The following HS6ST3 variants were observed in gnomAD, a reference collection of about 807,000 sequenced individuals.
HS6ST3 encodes the protein heparan-sulfate 6-O-sulfotransferase 3.
Under a neutral mutation model 36.7 loss-of-function variants are expected in HS6ST3, and 12 were observed. The ratio of observed to expected loss-of-function variants is 0.33; its 90% CI spans 0.21 to 0.53. HS6ST3 has a LOEUF of 0.53. Ranked by LOEUF, HS6ST3 falls within the 20% of genes least tolerant of loss-of-function variation. The probability of loss-of-function intolerance (pLI) is 0.95; values close to 1 mark genes in which losing one functional copy is unlikely to be tolerated. For synonymous variants in HS6ST3, 240 were observed against 257.5 expected (o/e 0.93, Z 0.65); for missense variants, 584 against 640.9 (o/e 0.91, Z 0.96).
At chr13:96,248,062 C>G (rs1243359081) in intron 1 of HS6ST3, among the ~76,000 whole-genome samples, 2 of 152,100 alleles carry the variant, frequency 1.3e-5, no homozygotes, top group African/African-American at 2.4e-5. Context: ...TACTTATAGT[C>G]TGTTTTCCTT....
At chr13:96,679,444 T>C (rs182741579) in intron 1 of HS6ST3, among the ~76,000 whole-genome samples, 23 of 152,148 alleles carry the variant, frequency 1.5e-4, no homozygotes, top group African/African-American at 5.1e-4. Flanking sequence ...CCCCAGCAGC[T>C]GTACATCTTC....
chr13:96,713,411 A>G (rs1875611185), intron 1 of HS6ST3, among the ~76,000 whole-genome samples: 3 of 152,190 alleles, frequency 2.0e-5, no homozygotes, highest in African/African-American at 7.2e-5. Flanking sequence ...ATATAGATTC[A>G]GAGATGTTTA....
chr13:96,171,143 G>T (rs9525139), intron 1 of HS6ST3, among the ~76,000 whole-genome samples: 4,619 of 152,280 alleles, frequency 0.03, 109 homozygotes, highest in Non-Finnish European at 0.048. Context: ...GATAGGAAAT[G>T]CTCAGATGTT....
intron 1 of HS6ST3, among the ~76,000 whole-genome samples, chr13:96,331,951 C>A (rs912401276): frequency 6.6e-6 from 1 of 152,336 alleles, no homozygotes; most frequent in East Asian, 1.9e-4. Flanking sequence ...TTTCCAGGTG[C>A]CGTCAGTCAC....
chr13:96,288,380 T>C (rs1314731848), intron 1 of HS6ST3, among the ~76,000 whole-genome samples: 1 of 152,164 alleles, frequency 6.6e-6, no homozygotes, highest in Non-Finnish European at 1.5e-5. Context: ...TTAAAATTTG[T>C]ATTTTGGACT....
intron 1 of HS6ST3, among the ~76,000 whole-genome samples, chr13:96,101,314 A>C (rs752456449): frequency 6.6e-6 from 1 of 152,156 alleles, no homozygotes; most frequent in Admixed American, 6.5e-5. Context: ...AATTCTCTAG[A>C]GTAATATTTA....
At chr13:96,607,368 G>A (rs11618316) in intron 1 of HS6ST3, among the ~76,000 whole-genome samples, 8,753 of 152,240 alleles carry the variant, frequency 0.057, 271 homozygotes, top group Middle Eastern at 0.11. Flanking sequence ...GCCTTCTAAT[G>A]TCTAGCAAAG....
chr13:96,658,596 A>G (rs991025005), intron 1 of HS6ST3, among the ~76,000 whole-genome samples: 4 of 145,886 alleles, frequency 2.7e-5, no homozygotes, highest in Non-Finnish European at 4.5e-5. Flanking sequence ...TCTTTCTTCT[A>G]TTGATCATTA....
intron 1 of HS6ST3, among the ~76,000 whole-genome samples, chr13:96,758,837 G>C (rs542809815): frequency 2.0e-5 from 3 of 151,926 alleles, no homozygotes; most frequent in African/African-American, 7.2e-5. Context: ...AACTGCTGTT[G>C]TTGGATGTAG....
chr13:96,443,455 G>A (rs928450855), intron 1 of HS6ST3, among the ~76,000 whole-genome samples: 2 of 150,524 alleles, frequency 1.3e-5, no homozygotes, highest in African/African-American at 4.9e-5. Context: ...GCATGAACCC[G>A]GGAGGCAGAG....
chr13:96,536,895 C>T (rs938038675), intron 1 of HS6ST3, among the ~76,000 whole-genome samples: 2 of 152,164 alleles, frequency 1.3e-5, no homozygotes, highest in African/African-American at 4.8e-5. Context: ...AAATCTTCCA[C>T]CTACCTATAC....
rs574371447 is a variant in HS6ST3, at chr13:96,437,416, A to G, written c.707+345847A>G. On this transcript the variant is annotated intron_variant, in intron 1 of 1. Transcript: ENST00000376705. ...CTTCTTTGAGTCTTATTTGCTTTGA[A>G]GATTTTACATTTTCTGAAGGCAAGG... Among the ~76,000 whole-genome samples, 11 of 152,334 alleles carry G rather than the reference A, an allele frequency of 7.2e-5. No homozygotes were observed. In the South Asian group the frequency reaches 2.1e-3, roughly 29 times the overall value.
intron 1 of HS6ST3, among the ~76,000 whole-genome samples, chr13:96,547,514 A>C (rs752679777): frequency 5.3e-5 from 8 of 152,214 alleles, no homozygotes; most frequent in Non-Finnish European, 1.0e-4. Flanking sequence ...TAAAACTTAA[A>C]TGTGATAGAA....
intron 1 of HS6ST3, among the ~76,000 whole-genome samples, chr13:96,182,946 G>A (rs754325388): frequency 3.9e-5 from 6 of 152,152 alleles, no homozygotes; most frequent in Non-Finnish European, 7.4e-5. Context: ...TGGAGATTAA[G>A]GATTTCCATT....
chr13:96,368,781 G>A (rs980567484), intron 1 of HS6ST3, among the ~76,000 whole-genome samples: 1 of 152,104 alleles, frequency 6.6e-6, no homozygotes, highest in Non-Finnish European at 1.5e-5. Flanking sequence ...AGATTCAACT[G>A]GAGTAAGTTA....
At chr13:96,355,392 CACACACACACAA>C (rs1282810790) in intron 1 of HS6ST3, among the ~76,000 whole-genome samples, 5 of 141,258 alleles carry the variant, frequency 3.5e-5, no homozygotes, top group African/African-American at 1.5e-4. Flanking sequence ...CACACACACA[CACACACACACAA>C]ACACACAAAC....
chr13:96,536,364 G>A (rs1224915954), intron 1 of HS6ST3, among the ~76,000 whole-genome samples: 1 of 152,108 alleles, frequency 6.6e-6, no homozygotes. Context: ...TCACTTAATA[G>A]CCTCTGGCTG....
chr13:96,736,814 G>T (rs2138481354), intron 1 of HS6ST3, among the ~76,000 whole-genome samples: 1 of 152,244 alleles, frequency 6.6e-6, no homozygotes, highest in East Asian at 1.9e-4. Context: ...ACAGTGAAAA[G>T]CACAGCTATG....
intron 1 of HS6ST3, among the ~76,000 whole-genome samples, chr13:96,383,043 CT>C (rs1452532742): frequency 6.6e-6 from 1 of 152,130 alleles, no homozygotes; most frequent in Non-Finnish European, 1.5e-5. Context: ...AACAACTTAC[CT>C]CCACACTGTG....
Sources: allele counts gnomAD v4.1 joint callset (sites outside exome capture counted in the v4.1 genomes callset), GRCh38; gene constraint gnomAD v4.1.1; transcripts MANE v1.5; gene names NCBI Gene and HGNC (gene_info 2026-07-23, HGNC 2026-07-21).